Variants in GRIP2 observed in about 807,000 individuals in gnomAD.
GRIP2 encodes glutamate receptor interacting protein 2.
A neutral mutation model predicts 108.3 loss-of-function variants in GRIP2; 58 were observed. The observed-to-expected ratio is 0.54, with a 90% CI of 0.43 to 0.67. The LOEUF (loss-of-function observed/expected upper bound fraction) is 0.67. GRIP2 is among the 30% of genes least tolerant of loss of function. GRIP2 has a pLI of 0.00. For synonymous variants in GRIP2, 586 were observed against 598.2 expected, an observed-to-expected ratio of 0.98 and a Z score of 0.30; for missense variants, 1,278 against 1,430.6, an observed-to-expected ratio of 0.89 and a Z score of 1.72.
intron 1 of GRIP2, among the ~76,000 whole-genome samples, chr3:14,551,048 C>CCA (rs998491730): frequency 2.0e-5 from 3 of 152,150 alleles, no homozygotes; most frequent in Non-Finnish European, 4.4e-5. Flanking sequence ...AGCAAGGCTT[C>CCA]CAGGCCCGGG....
chr3:14,567,336 C>A, the GRIP2 span, among the ~76,000 whole-genome samples: 1 of 152,170 alleles, frequency 6.6e-6, no homozygotes, highest in Non-Finnish European at 1.5e-5. Context: ...AGCCCCCTGC[C>A]TCTGCAGCAT....
At chr3:14,555,164 G>A (rs531370618) in intron 1 of GRIP2, among the ~76,000 whole-genome samples, 4 of 152,082 alleles carry the variant, frequency 2.6e-5, no homozygotes, top group East Asian at 1.9e-4. Context: ...GATGGCACCC[G>A]GCACAGGCTG....
At chr3:14,553,876 C>G (rs1366680997) in intron 1 of GRIP2, among the ~76,000 whole-genome samples, 1 of 152,174 alleles carries the variant, frequency 6.6e-6, no homozygotes, top group Non-Finnish European at 1.5e-5. Flanking sequence ...TCCCTCAGTG[C>G]CCTCCGTGAA....
chr3:14,498,099 T>A (rs1693664794), intron 21 of GRIP2, among the ~76,000 whole-genome samples: 1 of 152,184 alleles, frequency 6.6e-6, no homozygotes, highest in African/African-American at 2.4e-5. Context: ...AGTGCATAGT[T>A]CTATCTGACC....
In GRIP2 at chr3:14,522,711, A is replaced by G. The variant is rs1324784845; in HGVS notation, c.566+289T>C. The G allele has an allele frequency of 1.7e-5, 7 of 407,034 alleles. No individual in the cohort carries two copies. The highest frequency in any genetic ancestry group is 2.7e-5 in the Non-Finnish European group (6 of 222,456). The allele number at this position is 407,034 out of a possible 1,614,324, so 25.2% of individuals were successfully genotyped here. On this transcript the variant is annotated intron_variant, in intron 6 of 23. Transcript: ENST00000621039. This position sits in a 1 kb window ranked among gnomAD's most constrained non-coding sequence, Gnocchi z 4.3. ...TCTTAGGGACCATTCCACAGACGGG[A>G]AAACCAAGGAGCAGGAAAGGGAAGA...
At chr3:14,599,703 G>GTA in the GRIP2 span, among the ~76,000 whole-genome samples, 8 of 149,964 alleles carry the variant, frequency 5.3e-5, no homozygotes, top group African/African-American at 2.0e-4. Flanking sequence ...GTGTGTGTGT[G>GTA]TGTGTGTGTT....
chr3:14,533,790 T>C (rs115058295), intron 1 of GRIP2, among the ~76,000 whole-genome samples: 66 of 152,276 alleles, frequency 4.3e-4, no homozygotes, highest in African/African-American at 1.5e-3. Flanking sequence ...AGTCTGCTGG[T>C]CTCAACACCG....
upstream of GRIP2, among the ~76,000 whole-genome samples, chr3:14,557,962 A>T (rs1159299260): frequency 6.6e-6 from 1 of 152,204 alleles, no homozygotes; most frequent in African/African-American, 2.4e-5. Context: ...GGTGGCACAC[A>T]GTAGGTGCTA....
At chr3:14,576,960 C>A in the GRIP2 span, among the ~76,000 whole-genome samples, 7 of 152,182 alleles carry the variant, frequency 4.6e-5, no homozygotes, top group South Asian at 2.1e-4. Context: ...TTTCATGAAG[C>A]CTTTCCTAAT....
chr3:14,517,257 C>G (rs1366910653), intron 10 of GRIP2, 44 bp from the exon 11 acceptor site: 2 of 1,488,662 alleles, frequency 1.3e-6, no homozygotes, highest in African/African-American at 2.9e-5. Flanking sequence ...AGCCGAGGCT[C>G]TCCACCCCAC....
intron 3 of GRIP2, 122 bp from the exon 4 acceptor site, chr3:14,524,660 G>T: frequency 8.6e-7 from 1 of 1,156,728 alleles, no homozygotes; most frequent in Non-Finnish European, 1.2e-6. Context: ...AAATGGGGAA[G>T]CTGAGGCTTA....
intron 1 of GRIP2, among the ~76,000 whole-genome samples, chr3:14,552,249 TG>T (rs1695161606): frequency 6.6e-6 from 1 of 151,914 alleles, no homozygotes; most frequent in African/African-American, 2.4e-5. Flanking sequence ...GAGCTGGATG[TG>T]GTGGCGTGTG....
At chr3:14,554,978 G>A (rs1327648511) in intron 1 of GRIP2, among the ~76,000 whole-genome samples, 8 of 152,130 alleles carry the variant, frequency 5.3e-5, no homozygotes, top group East Asian at 1.9e-4. Context: ...CATAGAGATC[G>A]TGAATCCACC....
At chr3:14,500,630 CA>C (rs1319756967) in intron 21 of GRIP2, among the ~76,000 whole-genome samples, 1 of 152,026 alleles carries the variant, frequency 6.6e-6, no homozygotes, top group Non-Finnish European at 1.5e-5. Context: ...CATTTAAGAG[CA>C]GGGGTGAAAT....
Position 14,540,155 on chromosome 3 carries a change from A to G in GRIP2, c.40+114T>C. 2.3e-6 allele frequency: 3 copies of G among 1,329,480 alleles called. No individual in the cohort carries two copies. Among genetic ancestry groups the G allele is most frequent in the Non-Finnish European group, 3.1e-6 (3 of 969,998 alleles). The allele number at this position is 1,329,480 out of a possible 1,614,324, so 82.4% of individuals were successfully genotyped here. On this transcript the variant is annotated intron_variant, in intron 1 of 23. Coordinates refer to ENST00000621039, the MANE Select transcript of GRIP2 (RefSeq NM_001080423.4). This position sits in a 1 kb window ranked among gnomAD's most constrained non-coding sequence, Gnocchi z 4.1. Reference sequence around the variant, plus strand: ...CACCCTCCCCAAGCCCTGGGTCTCCAGGGAGTGGCAGTCCCAGGTCTCAGC... The same window carrying G: ...CACCCTCCCCAAGCCCTGGGTCTCCGGGGAGTGGCAGTCCCAGGTCTCAGC...
At chr3:14,583,590 C>A in the GRIP2 span, among the ~76,000 whole-genome samples, 1 of 152,186 alleles carries the variant, frequency 6.6e-6, no homozygotes, top group African/African-American at 2.4e-5. Flanking sequence ...CGCCTCCTAA[C>A]TGGGAATTCT....
the GRIP2 span, among the ~76,000 whole-genome samples, chr3:14,602,507 C>T: frequency 1.3e-5 from 2 of 152,002 alleles, no homozygotes; most frequent in Non-Finnish European, 2.9e-5. The surrounding 1 kb of genome is among the most constrained non-coding windows in gnomAD (Gnocchi z 4.7). Context: ...CCTCCCGACA[C>T]CCGGCGGGCT....
chr3:14,556,702 T>C (rs1695241819), upstream of GRIP2, among the ~76,000 whole-genome samples: 1 of 152,174 alleles, frequency 6.6e-6, no homozygotes, highest in Non-Finnish European at 1.5e-5. Flanking sequence ...GGGTGGAGTT[T>C]TGGGGACTAT....
chr3:14,544,317 C>T (rs959918035), upstream of GRIP2, among the ~76,000 whole-genome samples: 8 of 152,166 alleles, frequency 5.3e-5, no homozygotes, highest in African/African-American at 1.9e-4. Context: ...TCTGCTTGTG[C>T]GGGGCTGCTC....
Sources: allele counts gnomAD v4.1 joint callset (sites outside exome capture counted in the v4.1 genomes callset), GRCh38; gene constraint gnomAD v4.1.1; non-coding constraint Gnocchi (gnomAD v3.1); transcripts MANE v1.5; gene names NCBI Gene and HGNC (gene_info 2026-07-23, HGNC 2026-07-21).